DPP10: variants seen among roughly 807,000 people sequenced by gnomAD.
The protein encoded by DPP10 is inactive dipeptidyl peptidase 10.
A neutral mutation model predicts 120.9 loss-of-function variants in DPP10; 33 were observed. That is an observed-to-expected ratio of 0.27 (90% CI 0.21 to 0.37). The LOEUF (loss-of-function observed/expected upper bound fraction) is 0.37, where lower values mean the gene tolerates loss of function less well. DPP10 is among the 10% of genes least tolerant of loss of function. DPP10 has a pLI of 1.00. For synonymous variants in DPP10, 337 were observed against 326.1 expected (o/e 1.03, Z -0.36); for missense variants, 816 against 942.8 (o/e 0.87, Z 1.76).
At chr2:115,249,176 A>G (rs2058654916) in intron 1 of DPP10, among the ~76,000 whole-genome samples, 1 of 152,148 alleles carries the variant, frequency 6.6e-6, no homozygotes, top group East Asian at 1.9e-4. Flanking sequence ...TACACAGATG[A>G]ATCTGACACA....
intron 1 of DPP10, among the ~76,000 whole-genome samples, chr2:115,258,513 A>ATAATTATATTTAATTGTTAAAT (rs2105731230): frequency 6.6e-6 from 1 of 152,322 alleles, no homozygotes; most frequent in South Asian, 2.1e-4. Context: ...ATGTTGTTAA[A>ATAATTATATTTAATTGTTAAAT]TAAATTATAA....
At chr2:115,461,636 G>A (rs1343171930) in intron 3 of DPP10, among the ~76,000 whole-genome samples, 1 of 152,014 alleles carries the variant, frequency 6.6e-6, no homozygotes, top group Non-Finnish European at 1.5e-5. Context: ...AAAACATATT[G>A]TACACCATAA....
intron 1 of DPP10, among the ~76,000 whole-genome samples, chr2:114,811,621 C>G (rs1685179904): frequency 1.3e-5 from 2 of 151,968 alleles, no homozygotes; most frequent in South Asian, 4.2e-4. Flanking sequence ...ACCACTCATC[C>G]CACCACCCTC....
intron 1 of DPP10, among the ~76,000 whole-genome samples, chr2:114,609,124 T>G (rs935209433): frequency 1.3e-5 from 2 of 152,084 alleles, no homozygotes; most frequent in African/African-American, 4.8e-5. Context: ...TCATCGAGAA[T>G]ACAACTCCAG....
At chr2:114,652,544 A>AT (rs1170082951) in intron 1 of DPP10, among the ~76,000 whole-genome samples, 2 of 152,184 alleles carry the variant, frequency 1.3e-5, no homozygotes, top group African/African-American at 4.8e-5. Context: ...GGTGTTACGA[A>AT]TTCATTTAAT....
chr2:115,123,867 C>T (rs1291356973), intron 1 of DPP10, among the ~76,000 whole-genome samples: 3 of 151,908 alleles, frequency 2.0e-5, no homozygotes, highest in Non-Finnish European at 4.4e-5. Context: ...GGAAGATAGT[C>T]AGCAAATATT....
At chr2:114,974,189 C>T (rs1473003802) in intron 1 of DPP10, among the ~76,000 whole-genome samples, 1 of 152,176 alleles carries the variant, frequency 6.6e-6, no homozygotes. Context: ...CGTTCACTCA[C>T]AACTTACTAA....
In DPP10 at chr2:114,870,987, CT is replaced by C. The variant is rs34571820; in HGVS notation, c.60+428159del. Among the ~76,000 whole-genome samples the C allele has an allele frequency of 6.6e-4, 83 of 124,904 alleles. 18 individuals carry two copies. Among genetic ancestry groups the C allele is most frequent in the Non-Finnish European group, 1.3e-3 (74 of 57,846 alleles). 81.9% of individuals were successfully genotyped at this position (124,904 alleles called of 152,430 possible). ...GTGACATCTACCCTCTTTTTCTTTT[CT>C]TTTTTTTTTGTTACTTAATTTAAGC... On this transcript the variant is annotated intron_variant, in intron 1 of 25. Transcript: ENST00000410059.
intron 1 of DPP10, among the ~76,000 whole-genome samples, chr2:114,767,290 T>TAA (rs1299143010): frequency 7.1e-6 from 1 of 140,466 alleles, no homozygotes; most frequent in Admixed American, 7.2e-5. Context: ...TAAAGATATA[T>TAA]AATATATATA....
intron 1 of DPP10, among the ~76,000 whole-genome samples, chr2:114,633,248 C>CTTTTTTTTTTTTTTTTT (rs35372708): frequency 2.1e-4 from 15 of 72,778 alleles, no homozygotes; most frequent in East Asian, 4.1e-4. Flanking sequence ...GTTTTTCTTT[C>CTTTTTTTTTTTTTTTTT]TTTTTTTTTT....
chr2:115,815,627 G>A (rs1687140137), intron 20 of DPP10, 48 bp from the exon 21 acceptor site: 4 of 1,495,632 alleles, frequency 2.7e-6, no homozygotes, highest in Non-Finnish European at 3.7e-6. Flanking sequence ...ATTTATATTT[G>A]CATTTAACTC....
At chr2:114,987,685 T>A (rs1304003515) in intron 1 of DPP10, among the ~76,000 whole-genome samples, 1 of 152,088 alleles carries the variant, frequency 6.6e-6, no homozygotes. Flanking sequence ...AAAGCTAAAA[T>A]TAGTAGGAAT....
chr2:115,672,662 T>TTC, intron 5 of DPP10, among the ~76,000 whole-genome samples: 1 of 104,904 alleles, frequency 9.5e-6, no homozygotes, highest in African/African-American at 3.2e-5. Flanking sequence ...CTTTCTTTCT[T>TTC]TCTTTCTCTC....
intron 1 of DPP10, among the ~76,000 whole-genome samples, chr2:114,602,648 T>C (rs1692465019): frequency 1.3e-5 from 2 of 152,022 alleles, no homozygotes; most frequent in South Asian, 4.1e-4. Flanking sequence ...TGCTTTGAAC[T>C]GTTAACACCA....
chr2:115,282,943 T>TA lies in DPP10; in HGVS notation c.61-26289dup, dbSNP rs987681351. On this transcript the variant is annotated intron_variant, in intron 1 of 25. Transcript: ENST00000410059. Reference sequence around the variant, plus strand: ...CCTTTTACTGACTGTTTGCTTTTTTTAAAAAAAGTCCAAATTAGTTTCAAG... The same window carrying TA: ...CCTTTTACTGACTGTTTGCTTTTTTTAAAAAAAAGTCCAAATTAGTTTCAAG... Among the ~76,000 whole-genome samples the TA allele has an allele frequency of 5.3e-5, 8 of 152,218 alleles. No homozygotes were observed. The South Asian group carries it at 1.4e-3, about 28-fold the overall frequency.
chr2:114,514,459 T>C (rs1258742110), intron 1 of DPP10, among the ~76,000 whole-genome samples: 1 of 152,196 alleles, frequency 6.6e-6, no homozygotes, highest in Non-Finnish European at 1.5e-5. Context: ...AATTTTAGCA[T>C]CTACAAAAAT....
At chr2:115,421,591 G>A (rs577302433) in intron 3 of DPP10, among the ~76,000 whole-genome samples, 1 of 152,106 alleles carries the variant, frequency 6.6e-6, no homozygotes, top group African/African-American at 2.4e-5. Flanking sequence ...ATAAAAATGA[G>A]GCCAGGTGCA....
chr2:115,453,030 T>A (rs2073237655), intron 3 of DPP10, among the ~76,000 whole-genome samples: 1 of 151,800 alleles, frequency 6.6e-6, no homozygotes, highest in African/African-American at 2.4e-5. Flanking sequence ...CATTTCCAAC[T>A]ACTTAATATG....
chr2:114,477,820 T>C (rs1429762081), intron 1 of DPP10, among the ~76,000 whole-genome samples: 1 of 150,972 alleles, frequency 6.6e-6, no homozygotes, highest in Non-Finnish European at 1.5e-5. Context: ...CATATGTGTG[T>C]ATATATGTAT....
Sources: gnomAD v4.1 joint callset for allele counts (sites outside exome capture counted in the v4.1 genomes callset) on GRCh38, gnomAD v4.1.1 for gene constraint, MANE v1.5 for transcripts, NCBI Gene and HGNC (gene_info 2026-07-23, HGNC 2026-07-21) for gene names.